UMAD1: variants seen among roughly 807,000 people sequenced by gnomAD.
UMAD1 encodes UBAP1-MVB12-associated (UMA) domain containing 1.
Under a neutral mutation model 6.1 loss-of-function variants are expected in UMAD1, and 8 were observed. That is an observed-to-expected ratio of 1.30 (90% CI 0.76 to 2.35). The LOEUF (loss-of-function observed/expected upper bound fraction) is 2.35. Ranked by LOEUF, UMAD1 falls within the 30% of genes most tolerant of loss-of-function variation. The pLI is 0.00. For missense variants in UMAD1, 130 were observed against 78.4 expected (o/e 1.66, Z -2.49); for synonymous variants, 56 against 31.4 (o/e 1.78, Z -2.61).
chr7:7,776,954 T>G (rs1782219874), intron 2 of UMAD1, among the ~76,000 whole-genome samples: 2 of 152,218 alleles, frequency 1.3e-5, no homozygotes, highest in Admixed American at 1.3e-4. Flanking sequence ...TCTTTCAGAG[T>G]TTATGTCTAC....
At chr7:7,686,485 G>T (rs1439028912) in intron 2 of UMAD1, among the ~76,000 whole-genome samples, 1 of 152,114 alleles carries the variant, frequency 6.6e-6, no homozygotes, top group Non-Finnish European at 1.5e-5. Flanking sequence ...GTTTCAGCAA[G>T]ATTGAGAATT....
chr7:7,641,076 T>G (rs1784960057), intron 1 of UMAD1: 1 of 152,698 alleles, frequency 6.5e-6, no homozygotes, highest in Non-Finnish European at 1.5e-5. Context: ...AGCGGGGTCA[T>G]CAGTGATCTT....
At chr7:7,690,866 A>C (rs780114011) in intron 2 of UMAD1, among the ~76,000 whole-genome samples, 2 of 152,212 alleles carry the variant, frequency 1.3e-5, no homozygotes, top group Admixed American at 1.3e-4. Context: ...CAGAAATTCA[A>C]TTATGACTTA....
At chr7:7,650,518 C>T (rs1460728882) in intron 1 of UMAD1, among the ~76,000 whole-genome samples, 2 of 152,134 alleles carry the variant, frequency 1.3e-5, no homozygotes, top group Non-Finnish European at 2.9e-5. Context: ...TTGCTTGATC[C>T]TCAGTTGTAA....
chr7:7,802,791 G>A (rs1782828611), intron 3 of UMAD1, among the ~76,000 whole-genome samples: 1 of 152,160 alleles, frequency 6.6e-6, no homozygotes. Flanking sequence ...CCCACAGTAG[G>A]TAGTTGAAAA....
chr7:7,650,152 G>A (rs73048006), intron 1 of UMAD1, among the ~76,000 whole-genome samples: 3 of 152,264 alleles, frequency 2.0e-5, no homozygotes, highest in Non-Finnish European at 4.4e-5. Flanking sequence ...CAATTTTTAT[G>A]CTGTTGTCTA....
At chr7:7,811,942 A>G (rs890289314) in intron 3 of UMAD1, among the ~76,000 whole-genome samples, 4 of 152,178 alleles carry the variant, frequency 2.6e-5, no homozygotes, top group Non-Finnish European at 5.9e-5. Flanking sequence ...CTTATTTTAC[A>G]GTAAGATTAG....
At chr7:7,685,002 C>T (rs1422797105) in intron 2 of UMAD1, among the ~76,000 whole-genome samples, 1 of 152,182 alleles carries the variant, frequency 6.6e-6, no homozygotes, top group East Asian at 1.9e-4. Flanking sequence ...TGTAACTTCA[C>T]ATTTTGTCAG....
At chr7:7,716,459 A>T (rs1431887678) in intron 2 of UMAD1, among the ~76,000 whole-genome samples, 2 of 152,240 alleles carry the variant, frequency 1.3e-5, no homozygotes, top group Admixed American at 6.5e-5. Context: ...CTGCAGACAT[A>T]GATAAGCAAG....
Position 7,652,252 on chromosome 7 carries a change from C to A in UMAD1, c.-64+11431C>A, listed in dbSNP as rs577297660. The stretch of plus-strand genomic sequence containing the variant: ...TTATTCATTCCTTTGATAGGATTTC[C>A]GAGTAAAGCAGTATACTCTTGGTCG... On this transcript the variant is annotated intron_variant, in intron 1 of 3. Transcript: ENST00000682710. Among the ~76,000 whole-genome samples, 11 of 152,226 alleles carry A rather than the reference C, an allele frequency of 7.2e-5. No individual in the cohort carries two copies. In the South Asian group the frequency reaches 2.3e-3, roughly 32 times the overall value.
chr7:7,778,290 G>C lies in UMAD1; in HGVS notation c.83-23380G>C, dbSNP rs192010751. Among the ~76,000 whole-genome samples the C allele has an allele frequency of 1.8e-3, 266 of 151,066 alleles. 2 individuals are homozygous for C. The highest frequency in any genetic ancestry group is 6.1e-3 in the African/African-American group (248 of 40,904). On this transcript the variant is annotated intron_variant, in intron 2 of 3. Transcript: ENST00000682710. ...TGTGTGTGTGTGAGAGAGAGAGAGAGAGAGAGACAGAGAGAGAGCGTAAAT... is the reference window on the plus strand; with the variant it reads ...TGTGTGTGTGTGAGAGAGAGAGAGACAGAGAGACAGAGAGAGAGCGTAAAT...
At chr7:7,720,363 G>A (rs1487265374) in intron 2 of UMAD1, among the ~76,000 whole-genome samples, 1 of 152,070 alleles carries the variant, frequency 6.6e-6, no homozygotes, top group Non-Finnish European at 1.5e-5. Context: ...GAATAACCCT[G>A]GGCCTCTTCC....
intron 2 of UMAD1, among the ~76,000 whole-genome samples, chr7:7,771,171 T>G (rs1782092943): frequency 6.6e-6 from 1 of 151,844 alleles, no homozygotes; most frequent in Non-Finnish European, 1.5e-5. Context: ...ATAATTGTAT[T>G]GACAGCTTCT....
At chr7:7,679,760 T>C (rs1764419833) in intron 2 of UMAD1, among the ~76,000 whole-genome samples, 1 of 148,274 alleles carries the variant, frequency 6.7e-6, no homozygotes, top group Admixed American at 6.8e-5. Flanking sequence ...AGGCAATAAC[T>C]CACTATGTTA....
chr7:7,681,456 C>T (rs542446015), intron 2 of UMAD1, among the ~76,000 whole-genome samples: 101 of 152,110 alleles, frequency 6.6e-4, no homozygotes, highest in Non-Finnish European at 1.1e-3. Flanking sequence ...CCTTTCTCCG[C>T]ATTAAGATTT....
chr7:7,802,412 G>T (rs1782822263), intron 3 of UMAD1, among the ~76,000 whole-genome samples: 1 of 151,474 alleles, frequency 6.6e-6, no homozygotes, highest in Non-Finnish European at 1.5e-5. Flanking sequence ...AAATCCCGTT[G>T]CCTTACTAGT....
intron 2 of UMAD1, among the ~76,000 whole-genome samples, chr7:7,768,592 G>C (rs1333901803): frequency 6.6e-6 from 1 of 152,020 alleles, no homozygotes; most frequent in African/African-American, 2.4e-5. Flanking sequence ...TGGAGGAATT[G>C]CTGCCTTCAA....
intron 3 of UMAD1, among the ~76,000 whole-genome samples, chr7:7,842,344 A>AT (rs1245267199): frequency 1.3e-5 from 2 of 152,064 alleles, no homozygotes; most frequent in African/African-American, 2.4e-5. Context: ...ATCATCGTTT[A>AT]TTTTTTGTTG....
intron 3 of UMAD1, among the ~76,000 whole-genome samples, chr7:7,865,694 T>C (rs1327412389): frequency 6.6e-6 from 1 of 152,226 alleles, no homozygotes; most frequent in Non-Finnish European, 1.5e-5. Context: ...TTGCTGTTCA[T>C]GTCCATTGTC....
Sources: allele counts gnomAD v4.1 joint callset (sites outside exome capture counted in the v4.1 genomes callset), GRCh38; gene constraint gnomAD v4.1.1; transcripts MANE v1.5; gene names NCBI Gene and HGNC (gene_info 2026-07-23, HGNC 2026-07-21).